Variants in WNT8A observed in about 807,000 individuals in gnomAD.
The protein encoded by WNT8A is Wnt family member 8A.
WNT8A carries 14 observed loss-of-function variants against 20.5 expected under a neutral mutation model. The observed-to-expected ratio is 0.68, with a 90% CI of 0.45 to 1.07. WNT8A has a LOEUF of 1.07. Among genes scored for constraint, WNT8A ranks in the 50% least tolerant of loss-of-function variants. WNT8A has a pLI of 0.00. For synonymous variants in WNT8A, 167 were observed against 169.2 expected, an observed-to-expected ratio of 0.99 and a Z score of 0.10; for missense variants, 397 against 462.9, an observed-to-expected ratio of 0.86 and a Z score of 1.31.
At chr5:138,088,053 C>A in intron 3 of WNT8A, 122 bp downstream of exon 3, 1 of 1,409,984 alleles carries the variant, frequency 7.1e-7, no homozygotes, top group Non-Finnish European at 9.5e-7. Context: ...ACTCCAGCAA[C>A]TCCTTCAATT....
At position 138,087,936 on chromosome 5, in the gene WNT8A, G is replaced by A; in HGVS notation, c.421+5G>A. Reference sequence around the variant, plus strand: ...GGTCAAACAATGGAAAAACAGGTAAGTTGAGCTTTCTAATGGGGGTGGGAA... The same window carrying A: ...GGTCAAACAATGGAAAAACAGGTAAATTGAGCTTTCTAATGGGGGTGGGAA... On this transcript the variant is annotated splice_donor_5th_base_variant and intron_variant, in intron 3 of 4. Coordinates refer to ENST00000506684, the MANE Select transcript of WNT8A (RefSeq NM_001300939.2). The A allele has an allele frequency of 6.2e-7, 1 of 1,613,458 alleles. No individual in the cohort carries two copies. Among genetic ancestry groups the A allele is most frequent in the Non-Finnish European group, 8.5e-7 (1 of 1,179,568 alleles).
upstream of WNT8A, among the ~76,000 whole-genome samples, chr5:138,082,983 A>T (rs972832266): frequency 4.6e-5 from 7 of 152,094 alleles, no homozygotes; most frequent in Non-Finnish European, 1.0e-4. Flanking sequence ...AAGTAGTATC[A>T]GAAAGAAAGG....
At chr5:138,079,345 A>T (rs1320202164), upstream of WNT8A, among the ~76,000 whole-genome samples, 11 of 136,216 alleles carry the variant, frequency 8.1e-5, no homozygotes, top group South Asian at 2.3e-3. Flanking sequence ...ATAATTATAT[A>T]ATAATTATAT....
At position 138,090,906 on chromosome 5, in the gene WNT8A, T is replaced by G; in HGVS notation, c.943T>G (p.Cys315Gly). ...RRSCGRLCTE[C>G]GLQVEERKTE... is the part of the protein sequence containing the mutation. Reference sequence around the variant, plus strand: ...TAGCTGTGGGCGCCTGTGCACTGAGTGTGGGCTGCAGGTGGAAGAGAGGAA... The same window carrying G: ...TAGCTGTGGGCGCCTGTGCACTGAGGGTGGGCTGCAGGTGGAAGAGAGGAA... Residue 315 changes from cysteine to glycine, a missense_variant, in exon 5 of 5, where the codon TGT becomes GGT. Coordinates refer to ENST00000506684, the MANE Select transcript of WNT8A (RefSeq NM_001300939.2). 6.2e-7 allele frequency: 1 copy of G among 1,613,976 alleles called. No homozygotes were observed. Among genetic ancestry groups the G allele is most frequent in the Non-Finnish European group, 8.5e-7 (1 of 1,179,986 alleles).
At chr5:138,087,785 G>C (rs754123404) in intron 2 of WNT8A, 21 bp from the exon 3 acceptor site, 1 of 1,609,934 alleles carries the variant, frequency 6.2e-7, no homozygotes, top group South Asian at 1.1e-5. Flanking sequence ...TTTCCAGTCA[G>C]TTCCCTCTCT....
chr5:138,083,368 A>G (rs1366296959), upstream of WNT8A, among the ~76,000 whole-genome samples: 1 of 152,198 alleles, frequency 6.6e-6, no homozygotes, highest in African/African-American at 2.4e-5. Context: ...TATATAAAAA[A>G]TCAACTAACT....
intron 3 of WNT8A, among the ~76,000 whole-genome samples, chr5:138,088,304 G>A (rs1010218343): frequency 1.3e-5 from 2 of 151,692 alleles, no homozygotes; most frequent in Non-Finnish European, 2.9e-5. Flanking sequence ...TAGCCTTTAC[G>A]AGATGATTGT....
At chr5:138,087,054 AAAT>A (rs142331013) in intron 2 of WNT8A, among the ~76,000 whole-genome samples, 23,778 of 146,046 alleles carry the variant, frequency 0.16, 1,985 homozygotes, top group African/African-American at 0.18. Flanking sequence ...TCAAAAAATA[AAAT>A]AATAATTAAA....
intron 2 of WNT8A, 121 bp from the exon 3 acceptor site, chr5:138,087,685 C>G: frequency 2.1e-6 from 1 of 487,546 alleles, no homozygotes; most frequent in Non-Finnish European, 3.2e-6. Flanking sequence ...GAAAGAAAAG[C>G]ATCCTCTTAA....
Position 138,090,738 on chromosome 5 carries a change from T to G in WNT8A, c.775T>G (p.Phe259Val). The change falls in exon 5 of 5, where the codon TTC becomes GTC. Residue 259 changes from phenylalanine to valine, a missense_variant. Transcript: ENST00000506684. ...GGGCCACTGGGTGCCCGCTGAGGCC[T>G]TCCTTCCTAGCGCAGAGGCGGAACT... ...AEGHWVPAEA[F>V]LPSAEAELIF... 6.2e-7 allele frequency: 1 copy of G among 1,614,202 alleles called. No individual in the cohort carries two copies. Among genetic ancestry groups the G allele is most frequent in the Non-Finnish European group, 8.5e-7 (1 of 1,180,036 alleles).
chr5:138,084,694 T>G, intron 2 of WNT8A, 58 bp downstream of exon 2: 3 of 1,527,066 alleles, frequency 2.0e-6, no homozygotes, highest in Non-Finnish European at 2.6e-6. Context: ...GAGTGGGGCT[T>G]GCAGTATGTG....
At chr5:138,087,427 G>A (rs1356361133) in intron 2 of WNT8A, among the ~76,000 whole-genome samples, 2 of 151,778 alleles carry the variant, frequency 1.3e-5, no homozygotes, top group African/African-American at 4.8e-5. Context: ...GGCCAAGGAG[G>A]GCAGATCATG....
chr5:138,079,860 C>T (rs1750457323), upstream of WNT8A, among the ~76,000 whole-genome samples: 1 of 152,204 alleles, frequency 6.6e-6, no homozygotes, highest in Non-Finnish European at 1.5e-5. Flanking sequence ...TGGAATGCCT[C>T]TCACTATTCT....
chr5:138,087,296 C>G (rs1173236575), intron 2 of WNT8A, among the ~76,000 whole-genome samples: 1 of 150,870 alleles, frequency 6.6e-6, no homozygotes, highest in Admixed American at 6.6e-5. Context: ...TGCAGAGAGC[C>G]GAGATCATGC....
intron 2 of WNT8A, among the ~76,000 whole-genome samples, chr5:138,086,542 C>T (rs868646143): frequency 7.2e-5 from 11 of 152,004 alleles, no homozygotes; most frequent in South Asian, 2.1e-4. Flanking sequence ...CATTGGTTAA[C>T]ATAGGGATGT....
chr5:138,084,008 A>G (rs539244850), upstream of WNT8A: 177 of 1,331,112 alleles, frequency 1.3e-4, no homozygotes, highest in Non-Finnish European at 1.8e-4. Flanking sequence ...TCTCACATAA[A>G]TACTGAGGAA....
chr5:138,087,978 G>T, intron 3 of WNT8A, 47 bp downstream of exon 3: 1 of 1,607,650 alleles, frequency 6.2e-7, no homozygotes. Context: ...AGGGGCTACA[G>T]AGCTGAGTGC....
upstream of WNT8A, among the ~76,000 whole-genome samples, chr5:138,080,460 T>G (rs1403665115): frequency 1.6e-5 from 2 of 121,368 alleles, no homozygotes; most frequent in African/African-American, 6.0e-5. Context: ...TTTTTTTTTT[T>G]TTTTTTTTGG....
At chr5:138,089,596 T>C (rs1261976741) in intron 4 of WNT8A, among the ~76,000 whole-genome samples, 2 of 152,108 alleles carry the variant, frequency 1.3e-5, no homozygotes, top group Non-Finnish European at 2.9e-5. Context: ...GCCAAAAGCA[T>C]AGAAATTTCC....
Sources: allele counts gnomAD v4.1 joint callset (sites outside exome capture counted in the v4.1 genomes callset), GRCh38; gene constraint gnomAD v4.1.1; transcripts MANE v1.5; gene names NCBI Gene and HGNC (gene_info 2026-07-23, HGNC 2026-07-21).